Variants in DNMBP observed in about 807,000 individuals in gnomAD.
DNMBP encodes the protein dynamin binding protein, also known as dynamin-binding protein.
DNMBP carries 87 observed loss-of-function variants against 150.0 expected under a neutral mutation model. The ratio of observed to expected loss-of-function variants is 0.58; its 90% CI spans 0.49 to 0.69. The LOEUF is 0.69. Ranked by LOEUF, DNMBP falls within the 30% of genes least tolerant of loss-of-function variation. The pLI is 0.00. For synonymous variants in DNMBP, 711 were observed against 750.4 expected (o/e 0.95, Z 0.86); for missense variants, 1,774 against 1,949.0 (o/e 0.91, Z 1.69).
chr10:100,005,779 AAAAAACC>A (rs1411120533), intron 1 of DNMBP, among the ~76,000 whole-genome samples: 2 of 69,434 alleles, frequency 2.9e-5, no homozygotes, highest in African/African-American at 1.1e-4. Flanking sequence ...AAAAAAAAAA[AAAAAACC>A]AAACTACATA....
At position 99,877,413 on chromosome 10, in the gene DNMBP, G is replaced by A. The variant is rs77677386; in HGVS notation, c.4549-77C>T. On this transcript the variant is annotated intron_variant, in intron 16 of 16. Coordinates refer to ENST00000324109, the MANE Select transcript of DNMBP (RefSeq NM_015221.4). ...AACAGCTTCGTGCGGTGTTGGGGAGGGTTCCACATCCACATGCCCACATGT... is the reference window on the plus strand; with the variant it reads ...AACAGCTTCGTGCGGTGTTGGGGAGAGTTCCACATCCACATGCCCACATGT... 7.8e-4 allele frequency: 963 copies of A among 1,236,034 alleles called. 4 individuals carry two copies. The African/African-American group carries it at 0.011, about 14-fold the overall frequency. The allele number at this position is 1,236,034 out of a possible 1,614,324, so 76.6% of individuals were successfully genotyped here. A position where few individuals can be genotyped will look rare whatever the true frequency, so the allele number is the denominator to read the frequency against.
intron 1 of DNMBP, among the ~76,000 whole-genome samples, chr10:99,997,135 G>A (rs4561137): frequency 6.6e-6 from 1 of 152,194 alleles, no homozygotes; most frequent in African/African-American, 2.4e-5. Context: ...GGGATTCTCA[G>A]ATGTTTCCTG....
chr10:99,879,114 G>C (rs997858882), intron 16 of DNMBP, among the ~76,000 whole-genome samples: 1 of 121,734 alleles, frequency 8.2e-6, no homozygotes. Flanking sequence ...CAAAACGTTT[G>C]AGATACAAAG....
chr10:99,964,596 C>G (rs1337809522), intron 3 of DNMBP, among the ~76,000 whole-genome samples: 11 of 150,672 alleles, frequency 7.3e-5, no homozygotes, highest in African/African-American at 2.7e-4. Context: ...CGAGGCCAGG[C>G]GTGGTGGCTC....
chr10:99,921,193 C>G (rs1400939913), intron 4 of DNMBP, among the ~76,000 whole-genome samples: 2 of 152,180 alleles, frequency 1.3e-5, no homozygotes, highest in Admixed American at 1.3e-4. Flanking sequence ...CCTATTAGTC[C>G]TTGAACAGGA....
intron 1 of DNMBP, among the ~76,000 whole-genome samples, chr10:99,989,684 C>G (rs1346353867): frequency 2.6e-5 from 4 of 152,148 alleles, no homozygotes; most frequent in Non-Finnish European, 4.4e-5. Flanking sequence ...GCACTCCAGC[C>G]TGGGCAACAA....
rs2039338697 is a variant in DNMBP at position 99,879,982 on chromosome 10, G to A, written c.4377C>T (p.Pro1459=). The part of the protein sequence containing the change: ...SADVARDVKQ[P]TATPRSYRNF... ...TCCGGTAGCTCCTCGGCGTGGCAGT[G>A]GGTTGCTTTACATCTCTAGCTACAT... The change falls in exon 16 of 17, where the codon CCC becomes CCT. Residue 1459 remains proline, a synonymous_variant. Transcript: ENST00000324109. The A allele has an allele frequency of 6.2e-7, 1 of 1,614,076 alleles. No homozygotes were observed. The highest frequency in any genetic ancestry group is 1.3e-5 in the African/African-American group (1 of 74,926).
intron 16 of DNMBP, 103 bp from the exon 17 acceptor site, chr10:99,877,439 G>A: frequency 1.2e-6 from 1 of 843,308 alleles, no homozygotes; most frequent in Non-Finnish European, 1.8e-6. Flanking sequence ...GCCCACATGT[G>A]GCTACTGAGC....
chr10:100,002,556 C>G (rs1271009291), intron 1 of DNMBP, among the ~76,000 whole-genome samples: 1 of 152,198 alleles, frequency 6.6e-6, no homozygotes, highest in African/African-American at 2.4e-5. Context: ...AACTTATCAT[C>G]CTGAGTATGG....
At position 99,956,787 on chromosome 10, in the gene DNMBP, A is replaced by C. The variant is rs769866014; in HGVS notation, c.687T>G (p.Pro229=). Residue 229 remains proline (P), a synonymous_variant, in exon 4 of 17, where the codon CCT becomes CCG. Coordinates refer to ENST00000324109, the MANE Select transcript of DNMBP (RefSeq NM_015221.4). The stretch of plus-strand genomic sequence containing the variant: ...CCGGCCCTATCTCTTCTTCTCCTAC[A>C]GGGGTATCTACTTCACCATTAACAA... ...DCIVNGEVDT[P]VGEEEIGPDE... is the part of the protein sequence containing the mutation. 6.2e-7 allele frequency: 1 copy of C among 1,614,088 alleles called. No homozygotes were observed. Among genetic ancestry groups the C allele is most frequent in the Non-Finnish European group, 8.5e-7 (1 of 1,180,012 alleles).
chr10:99,905,986 C>T (rs534091913), intron 6 of DNMBP, among the ~76,000 whole-genome samples: 73 of 152,254 alleles, frequency 4.8e-4, no homozygotes, highest in African/African-American at 1.7e-3. Flanking sequence ...GAAGAAACAA[C>T]AGTACCTAAA....
intron 11 of DNMBP, among the ~76,000 whole-genome samples, chr10:99,893,728 G>C (rs1199253190): frequency 6.6e-6 from 1 of 151,946 alleles, no homozygotes; most frequent in African/African-American, 2.4e-5. Context: ...TGTCTCAAAG[G>C]AAAAAAGAAC....
At chr10:100,004,265 A>T (rs927673413) in intron 1 of DNMBP, among the ~76,000 whole-genome samples, 19 of 150,536 alleles carry the variant, frequency 1.3e-4, no homozygotes, top group Non-Finnish European at 2.1e-4. Context: ...ATATATATAT[A>T]TAAATATATA....
intron 4 of DNMBP, among the ~76,000 whole-genome samples, chr10:99,937,819 G>A (rs2040250583): frequency 6.6e-6 from 1 of 152,202 alleles, no homozygotes; most frequent in Admixed American, 6.5e-5. Flanking sequence ...AACAAAGATT[G>A]TGACTTGGTT....
Position 99,880,094 on chromosome 10 carries a change from A to G in DNMBP, c.4265T>C (p.Leu1422Pro), listed in dbSNP as rs1383103543. ...ACTACTCTCTGAATTACTCGGATTT[A>G]GGGATGCACTGAGAGTTCCTTGGTC... ...ECDQGTLSASLNPSNSESSPS... is the reference protein window; with the variant it reads ...ECDQGTLSASPNPSNSESSPS... The change falls in exon 16 of 17, where the codon CTA becomes CCA. Residue 1422 changes from leucine to proline, a missense_variant. Physicochemically the swap from Leu to Pro is moderately conservative, Grantham distance 98. Transcript: ENST00000324109. 3.7e-6 allele frequency: 6 copies of G among 1,614,056 alleles called. No individual in the cohort carries two copies. The Admixed American group carries it at 6.7e-5, about 18-fold the overall frequency.
Position 99,885,712 on chromosome 10 carries a change from G to A in DNMBP, c.3773C>T (p.Ser1258Phe). The change falls in exon 14 of 17, where the codon TCT (serine) becomes TTT (phenylalanine). Residue 1258 changes from serine to phenylalanine, a missense_variant. Ser to Phe is a radical substitution (Grantham distance 155). Around this residue, in one of 2 missense-constraint regions of DNMBP, gnomAD observed 1,430 missense variants for 1,492.5 expected, o/e 0.96. Transcript: ENST00000324109. ...PFERKTIDRQ[S>F]ARKPLLGLPS... is the part of the protein sequence containing the mutation. ...CAGGCCCAGGAGTGGCTTTCGAGCA[G>A]ACTGGCGGTCAATGGTTTTCCTCTC... 6.3e-7 allele frequency: 1 copy of A among 1,579,270 alleles called. No homozygotes were observed. Among genetic ancestry groups the A allele is most frequent in the Non-Finnish European group, 8.6e-7 (1 of 1,160,374 alleles).
intron 4 of DNMBP, among the ~76,000 whole-genome samples, chr10:99,940,053 C>T (rs547674069): frequency 6.6e-6 from 1 of 152,182 alleles, no homozygotes; most frequent in Non-Finnish European, 1.5e-5. Context: ...CATGGAGTGG[C>T]CAGCTGCATG....
chr10:99,996,661 T>A (rs2040954723), intron 1 of DNMBP, among the ~76,000 whole-genome samples: 1 of 152,232 alleles, frequency 6.6e-6, no homozygotes. Context: ...ATTTATTGAA[T>A]GTCTTTCTTT....
intron 4 of DNMBP, among the ~76,000 whole-genome samples, chr10:99,925,601 C>G (rs1486214269): frequency 6.6e-6 from 1 of 151,850 alleles, no homozygotes; most frequent in African/African-American, 2.4e-5. Context: ...TTTTTGTACA[C>G]AGGGGGTTTC....
Sources: gnomAD v4.1 joint callset for allele counts (sites outside exome capture counted in the v4.1 genomes callset) on GRCh38, gnomAD v4.1.1 for gene constraint, gnomAD v4.1.1 regional missense constraint, MANE v1.5 for transcripts, NCBI Gene and HGNC (gene_info 2026-07-23, HGNC 2026-07-21) for gene names.